The following SPECC1 variants were observed in gnomAD, a reference collection of about 807,000 sequenced individuals.
SPECC1 encodes the protein sperm antigen with calponin homology and coiled-coil domains 1.
A neutral mutation model predicts 104.1 loss-of-function variants in SPECC1; 62 were observed. That is an observed-to-expected ratio of 0.60 (90% confidence interval 0.49 to 0.74). The LOEUF (loss-of-function observed/expected upper bound fraction) is 0.74. Ranked by LOEUF, SPECC1 falls within the 30% of genes least tolerant of loss-of-function variation. SPECC1 has a pLI of 0.00. For missense variants in SPECC1, 1,306 were observed against 1,310.5 expected (o/e 1.00, Z 0.05); for synonymous variants, 513 against 501.6 (o/e 1.02, Z -0.30).
chr17:20,294,398 T>C (rs540244824), intron 12 of SPECC1, among the ~76,000 whole-genome samples: 1 of 152,308 alleles, frequency 6.6e-6, no homozygotes, highest in African/African-American at 2.4e-5. Flanking sequence ...GCTTGTTTGG[T>C]GTGCTGACGG....
Position 20,314,614 on chromosome 17 carries a change from T to A in SPECC1, c.*549T>A, listed in dbSNP as rs1277231851. 4 of 232,830 alleles carry A rather than the reference T, an allele frequency of 1.7e-5. No homozygotes were observed. Among genetic ancestry groups the A allele is most frequent in the Non-Finnish European group, 3.4e-5 (4 of 117,968 alleles). 14.4% of individuals were successfully genotyped at this position (232,830 alleles called of 1,614,324 possible). On this transcript the variant is annotated 3_prime_UTR_variant, in exon 15 of 15. Transcript: ENST00000395527. ...ATGAGCATACCACTGCACTCCAGCC[T>A]GTGTGAAAGAGCCAGACCCTGTCTC...
chr17:20,071,032 G>A (rs1445767555), intron 1 of SPECC1, among the ~76,000 whole-genome samples: 1 of 151,782 alleles, frequency 6.6e-6, no homozygotes. Flanking sequence ...TTCTTTTTCA[G>A]TTTTTTGAGA....
intron 12 of SPECC1, among the ~76,000 whole-genome samples, chr17:20,276,717 C>G (rs2040587448): frequency 6.6e-6 from 1 of 152,184 alleles, no homozygotes; most frequent in Non-Finnish European, 1.5e-5. Context: ...GTGGAATAAT[C>G]ATAAAGTTTA....
intron 2 of SPECC1, 133 bp downstream of exon 2, chr17:20,096,931 A>AGGT: frequency 8.6e-7 from 1 of 1,156,870 alleles, no homozygotes; most frequent in Non-Finnish European, 1.2e-6. Context: ...TCGCAGGAGG[A>AGGT]CCAGCATGCC....
At chr17:20,108,103 G>GAGAT (rs1264910221) in intron 2 of SPECC1, among the ~76,000 whole-genome samples, 1 of 152,124 alleles carries the variant, frequency 6.6e-6, no homozygotes, top group Non-Finnish European at 1.5e-5. Flanking sequence ...AAAATTTCTG[G>GAGAT]AGATGGATGG....
chr17:20,145,638 G>A (rs1234742523), intron 3 of SPECC1, among the ~76,000 whole-genome samples: 2 of 152,144 alleles, frequency 1.3e-5, no homozygotes, highest in Non-Finnish European at 2.9e-5. Flanking sequence ...AATGTTTTTG[G>A]TCAGAACTGG....
At chr17:20,276,169 T>A (rs1264319616) in intron 12 of SPECC1, among the ~76,000 whole-genome samples, 1 of 152,126 alleles carries the variant, frequency 6.6e-6, no homozygotes, top group African/African-American at 2.4e-5. Context: ...CAGGCTAGAG[T>A]GTAGTGGCAC....
chr17:20,220,388 C>T (rs998634988), intron 4 of SPECC1, among the ~76,000 whole-genome samples: 4 of 152,106 alleles, frequency 2.6e-5, no homozygotes, highest in Admixed American at 1.3e-4. Context: ...AGATCTTTCA[C>T]TTCTTTGATT....
At chr17:20,014,481 G>A (rs1192303314) in intron 1 of SPECC1, among the ~76,000 whole-genome samples, 4 of 152,014 alleles carry the variant, frequency 2.6e-5, no homozygotes, top group African/African-American at 9.7e-5. Context: ...ATTTGGTTTT[G>A]TTTTCAGGGA....
chr17:20,124,265 A>G (rs1394568040), intron 3 of SPECC1, among the ~76,000 whole-genome samples: 4 of 152,332 alleles, frequency 2.6e-5, no homozygotes, highest in African/African-American at 9.6e-5. Context: ...GGGGGAAGCA[A>G]CAGTCATAGG....
intron 1 of SPECC1, among the ~76,000 whole-genome samples, chr17:20,010,942 A>G (rs2043921656): frequency 6.6e-6 from 1 of 152,222 alleles, no homozygotes; most frequent in African/African-American, 2.4e-5. Context: ...ATGATCATGT[A>G]GATTTTCGTC....
intron 1 of SPECC1, among the ~76,000 whole-genome samples, chr17:20,042,371 A>G (rs1344596996): frequency 6.6e-6 from 1 of 152,088 alleles, no homozygotes; most frequent in Non-Finnish European, 1.5e-5. Flanking sequence ...AGAGGGAGGA[A>G]AGGTGGCCTC....
chr17:20,038,456 G>A (rs2045187176), intron 1 of SPECC1, among the ~76,000 whole-genome samples: 1 of 140,638 alleles, frequency 7.1e-6, no homozygotes, highest in African/African-American at 2.7e-5. Flanking sequence ...CTGGCGTGCA[G>A]TGGCACAATC....
chr17:20,183,625 G>A (rs191197320), intron 3 of SPECC1, among the ~76,000 whole-genome samples: 11 of 152,168 alleles, frequency 7.2e-5, no homozygotes, highest in African/African-American at 1.2e-4. Context: ...TTTAAACTAC[G>A]CACATTCTCC....
chr17:20,139,284 G>T (rs1415749545), intron 3 of SPECC1, among the ~76,000 whole-genome samples: 1 of 152,146 alleles, frequency 6.6e-6, no homozygotes, highest in East Asian at 1.9e-4. Context: ...ATCCCAACTT[G>T]CCCGTTGTAC....
chr17:20,207,933 A>G (rs1455322036), intron 4 of SPECC1, among the ~76,000 whole-genome samples: 2 of 151,808 alleles, frequency 1.3e-5, no homozygotes, highest in African/African-American at 2.4e-5. Context: ...TTTTTGTCTT[A>G]TTTTTTGTAC....
intron 12 of SPECC1, among the ~76,000 whole-genome samples, chr17:20,294,689 CATGGTTATGAAGGTACTGATGATGGTGG>C: frequency 1.2e-5 from 1 of 86,432 alleles, no homozygotes; most frequent in East Asian, 9.2e-4. Context: ...GGATGATGGT[CATGGTTATGAAGGTACTGATGATGGTGG>C]TGGTGGTAGT....
intron 3 of SPECC1, among the ~76,000 whole-genome samples, chr17:20,174,013 A>G (rs577357536): frequency 1.3e-5 from 2 of 150,142 alleles, no homozygotes; most frequent in Non-Finnish European, 3.0e-5. Context: ...GCTCACTGCA[A>G]TCTCCACCTC....
intron 3 of SPECC1, among the ~76,000 whole-genome samples, chr17:20,163,028 C>T (rs1409372187): frequency 6.6e-6 from 1 of 151,818 alleles, no homozygotes; most frequent in Non-Finnish European, 1.5e-5. Flanking sequence ...AACTCCATCT[C>T]AAAAACAAAA....
Sources: gnomAD v4.1 joint callset for allele counts (sites outside exome capture counted in the v4.1 genomes callset) on GRCh38, gnomAD v4.1.1 for gene constraint, MANE v1.5 for transcripts, NCBI Gene and HGNC (gene_info 2026-07-23, HGNC 2026-07-21) for gene names.